DGCR8: variants seen among roughly 807,000 people sequenced by gnomAD.
DGCR8 encodes microprocessor complex subunit DGCR8.
DGCR8 carries 14 observed loss-of-function variants against 78.5 expected under a neutral mutation model. The ratio of observed to expected loss-of-function variants is 0.18; its 90% CI spans 0.12 to 0.28. The LOEUF is 0.28. Among genes scored for constraint, DGCR8 ranks in the 10% least tolerant of loss-of-function variants. DGCR8 has a pLI of 1.00. For synonymous variants in DGCR8, 399 were observed against 402.4 expected, an observed-to-expected ratio of 0.99 and a Z score of 0.10; for missense variants, 702 against 1,022.5, an observed-to-expected ratio of 0.69 and a Z score of 4.28.
At chr22:20,094,954 A>G (rs2147927246) in intron 9 of DGCR8, among the ~76,000 whole-genome samples, 159 bp downstream of exon 9, 2 of 152,200 alleles carry the variant, frequency 1.3e-5, no homozygotes, top group South Asian at 4.1e-4. Flanking sequence ...TGTATTTCAT[A>G]AAGAGGAAAC....
At chr22:20,093,304 C>T (rs1179608879) in intron 8 of DGCR8, among the ~76,000 whole-genome samples, 2 of 151,896 alleles carry the variant, frequency 1.3e-5, no homozygotes, top group Non-Finnish European at 2.9e-5. Context: ...ACTCGGGAGG[C>T]TGAGGCAGGA....
chr22:20,080,941 T>G (rs1255839231), intron 1 of DGCR8, among the ~76,000 whole-genome samples: 4 of 152,260 alleles, frequency 2.6e-5, no homozygotes, highest in Non-Finnish European at 4.4e-5. Context: ...TTTGCCTTTT[T>G]GCATGCTTGC....
rs777348779 is a variant in DGCR8, at chr22:20,090,255, G to A, written c.1303G>A (p.Val435Ile). 63 of 1,589,368 alleles carry A rather than the reference G, an allele frequency of 4.0e-5. No individual in the cohort carries two copies. In the East Asian group the frequency reaches 4.2e-4, roughly 11 times the overall value. ...AKVEVCKDES[V>I]DLEEFRSYLE... Reference sequence around the variant, plus strand: ...AGTCGAGGTGTGCAAAGATGAATCCGTTGGTGAGTTTTTGAAGGACTCTTC... The same window carrying A: ...AGTCGAGGTGTGCAAAGATGAATCCATTGGTGAGTTTTTGAAGGACTCTTC... Residue 435 changes from valine (V) to isoleucine (I), a missense_variant, in exon 5 of 14, where the codon GTT becomes ATT. By Grantham distance (29) the Val-to-Ile change is conservative. Around this residue, in one of 4 missense-constraint regions of DGCR8, gnomAD observed 119 missense variants for 126.1 expected, o/e 0.94. Transcript: ENST00000351989.
Position 20,091,859 on chromosome 22 carries a change from T to C in DGCR8, c.1505-10T>C. ...CTTCACACTTGCTGAGATGGTTCTT[T>C]TTGTCACAGAGTTTGTTATTAACCC... is the stretch of plus-strand genomic sequence containing the variant. On this transcript the variant is annotated splice_polypyrimidine_tract_variant and intron_variant, in intron 6 of 13. Transcript: ENST00000351989. The C allele has an allele frequency of 6.2e-7, 1 of 1,613,578 alleles. No individual in the cohort carries two copies. Among genetic ancestry groups the C allele is most frequent in the South Asian group, 1.1e-5 (1 of 91,058 alleles).
In DGCR8 at chr22:20,086,581, T is replaced by G; in HGVS notation, c.618T>G (p.Thr206=). ...TGCTCGATGAGTTAGAAGATTTTAC[T>G]GACAATTTGGAGCTAGATGAAGAAG... The part of the protein sequence containing the change: ...YAVLDELEDF[T]DNLELDEEGA... The change falls in exon 2 of 14, where the codon ACT becomes ACG. Residue 206 remains threonine, a synonymous_variant. Coordinates refer to ENST00000351989, the MANE Select transcript of DGCR8 (RefSeq NM_022720.7). This position sits in a 1 kb window ranked among gnomAD's most constrained non-coding sequence, Gnocchi z 6.4. 1.2e-6 allele frequency: 2 copies of G among 1,613,792 alleles called. No individual in the cohort carries two copies. The highest frequency in any genetic ancestry group is 2.2e-5 in the South Asian group (2 of 91,064).
chr22:20,094,764 A>C lies in DGCR8; in HGVS notation c.1757A>C (p.Glu586Ala), dbSNP rs780661844. 6.2e-7 allele frequency: 1 copy of C among 1,614,102 alleles called. No homozygotes were observed. Among genetic ancestry groups the C allele is most frequent in the Non-Finnish European group, 8.5e-7 (1 of 1,180,002 alleles). Residue 586 changes from glutamate to alanine, a missense_variant, in exon 9 of 14, where the codon GAA becomes GCA. Physicochemically the swap from Glu to Ala is moderately radical, Grantham distance 107. Coordinates refer to ENST00000351989, the MANE Select transcript of DGCR8 (RefSeq NM_022720.7). ...LIPDFVKQTSEEKPKDSEELE... is the reference protein window; with the variant it reads ...LIPDFVKQTSAEKPKDSEELE... ...CCTGACTTTGTTAAACAGACCTCTG[A>C]AGAGAAGCCCAAAGACAGTGAAGAA... is the stretch of plus-strand genomic sequence containing the variant.
At chr22:20,098,878 CTGT>C in intron 9 of DGCR8, among the ~76,000 whole-genome samples, 1 of 152,330 alleles carries the variant, frequency 6.6e-6, no homozygotes, top group African/African-American at 2.4e-5. Context: ...TCTCCAAATA[CTGT>C]TGCATTCTGA....
intron 1 of DGCR8, among the ~76,000 whole-genome samples, chr22:20,080,890 T>A (rs2049410510): frequency 6.6e-6 from 1 of 152,262 alleles, no homozygotes; most frequent in Non-Finnish European, 1.5e-5. Flanking sequence ...GCCTGTCTGG[T>A]GTCAACCGAT....
chr22:20,105,990 G>C (rs1387130967), intron 9 of DGCR8, among the ~76,000 whole-genome samples, 187 bp from the exon 10 acceptor site: 1 of 152,162 alleles, frequency 6.6e-6, no homozygotes, highest in South Asian at 2.1e-4. Flanking sequence ...CTGGAGATGG[G>C]CAACTGGACG....
chr22:20,100,512 G>A lies in DGCR8; in HGVS notation c.1789-5665G>A, dbSNP rs373569991. The A allele has an allele frequency of 6.1e-6, 6 of 985,276 alleles. No individual in the cohort carries two copies. In the East Asian group the frequency reaches 6.8e-4, roughly 112 times the overall value. The allele number at this position is 985,276 out of a possible 1,614,324, so 61.0% of individuals were successfully genotyped here. A position where few individuals can be genotyped will look rare whatever the true frequency, so the allele number is the denominator to read the frequency against. ...CTGCAGACGATGGTGCCTGAGTTGT[G>A]TAGGTCTCACGCTGCCTTCCTGTCT... On this transcript the variant is annotated intron_variant, in intron 9 of 13. Coordinates refer to ENST00000351989, the MANE Select transcript of DGCR8 (RefSeq NM_022720.7).
Position 20,092,960 on chromosome 22 carries a change from C to T in DGCR8, c.1705+53C>T, listed in dbSNP as rs570866771. 1.1e-4 allele frequency: 165 copies of T among 1,477,034 alleles called. No individual in the cohort carries two copies. In the African/African-American group the frequency reaches 2.1e-3, roughly 19 times the overall value. The allele number at this position is 1,477,034 out of a possible 1,614,324, so 91.5% of individuals were successfully genotyped here. On this transcript the variant is annotated intron_variant, in intron 8 of 13. Coordinates refer to ENST00000351989, the MANE Select transcript of DGCR8 (RefSeq NM_022720.7). ...TACGTGCTGCCTGCTGTGTCTGCCTCGCTGCTTGGTTAGGGAGGGGCTGAG... is the reference window on the plus strand; with the variant it reads ...TACGTGCTGCCTGCTGTGTCTGCCTTGCTGCTTGGTTAGGGAGGGGCTGAG...
In DGCR8 at chr22:20,090,248, T is replaced by A. The variant is rs752333362; in HGVS notation, c.1296T>A (p.Asp432Glu). Reference sequence around the variant, plus strand: ...AGGCCAAAGTCGAGGTGTGCAAAGATGAATCCGTTGGTGAGTTTTTGAAGG... The same window carrying A: ...AGGCCAAAGTCGAGGTGTGCAAAGAAGAATCCGTTGGTGAGTTTTTGAAGG... ...QVKAKVEVCKDESVDLEEFRS... is the reference protein window; with the variant it reads ...QVKAKVEVCKEESVDLEEFRS... Residue 432 changes from aspartate (D) to glutamate (E), a missense_variant, in exon 5 of 14, where the codon GAT becomes GAA. By Grantham distance (45) the Asp-to-Glu change is conservative (BLOSUM62 2). Coordinates refer to ENST00000351989, the MANE Select transcript of DGCR8 (RefSeq NM_022720.7). 1 of 1,597,442 alleles carries A rather than the reference T, an allele frequency of 6.3e-7. No homozygotes were observed. The highest frequency in any genetic ancestry group is 8.5e-7 in the Non-Finnish European group (1 of 1,174,760).
At chr22:20,095,926 T>G (rs1243713798) in intron 9 of DGCR8, among the ~76,000 whole-genome samples, 1 of 152,120 alleles carries the variant, frequency 6.6e-6, no homozygotes, top group Non-Finnish European at 1.5e-5. Flanking sequence ...AATGCACTGT[T>G]CACAATAGGG....
At chr22:20,107,548 C>G in intron 12 of DGCR8, 150 bp downstream of exon 12, 1 of 957,000 alleles carries the variant, frequency 1.0e-6, no homozygotes, top group Non-Finnish European at 1.6e-6. Flanking sequence ...GCTTTGTGGG[C>G]AGGGGTGGGG....
At chr22:20,080,952 A>T (rs1413314173) in intron 1 of DGCR8, among the ~76,000 whole-genome samples, 1 of 152,178 alleles carries the variant, frequency 6.6e-6, no homozygotes, top group Non-Finnish European at 1.5e-5. Context: ...GCATGCTTGC[A>T]TGTACCTTGT....
Position 20,085,870 on chromosome 22 carries a change from C to T in DGCR8, c.-94C>T, listed in dbSNP as rs1054184921. ...AGCGCACAGCGCGGCAGGACGCGCC[C>T]GGGTCTCAGCGGACTTGTGCATGTT... On this transcript the variant is annotated 5_prime_UTR_variant, in exon 2 of 14. Transcript: ENST00000351989. The surrounding 1 kb of genome is among the most constrained non-coding windows in gnomAD (Gnocchi z 6.2). 1.3e-5 allele frequency: 20 copies of T among 1,499,646 alleles called. No homozygotes were observed. Among genetic ancestry groups the T allele is most frequent in the Middle Eastern group, 3.6e-4 (2 of 5,588 alleles). The allele number at this position is 1,499,646 out of a possible 1,614,324, so 92.9% of individuals were successfully genotyped here.
At chr22:20,097,560 T>C (rs779955128) in intron 9 of DGCR8, among the ~76,000 whole-genome samples, 4 of 152,192 alleles carry the variant, frequency 2.6e-5, no homozygotes, top group Non-Finnish European at 4.4e-5. Context: ...TGAGGCTTTC[T>C]TCTTTTTCTT....
At chr22:20,109,481 TTTC>T (rs1334166328) in intron 13 of DGCR8, among the ~76,000 whole-genome samples, 1 of 151,980 alleles carries the variant, frequency 6.6e-6, no homozygotes, top group Non-Finnish European at 1.5e-5. Context: ...GGGTGGGAGC[TTTC>T]TTAAGTGTGG....
chr22:20,088,766 T>C (rs757017066), intron 3 of DGCR8, among the ~76,000 whole-genome samples: 14 of 152,090 alleles, frequency 9.2e-5, no homozygotes, highest in Non-Finnish European at 1.5e-4. Flanking sequence ...TTTCCCCTTA[T>C]GTATATTTTT....
Sources: allele counts gnomAD v4.1 joint callset (sites outside exome capture counted in the v4.1 genomes callset), GRCh38; gene constraint gnomAD v4.1.1; regional missense constraint gnomAD v4.1.1; non-coding constraint Gnocchi (gnomAD v3.1); transcripts MANE v1.5; gene names NCBI Gene and HGNC (gene_info 2026-07-23, HGNC 2026-07-21).